The following TENM3 variants were observed in gnomAD, a reference collection of about 807,000 sequenced individuals.
TENM3 encodes teneurin-3.
In TENM3, 63 loss-of-function variants were observed where a neutral mutation model predicts 255.1. That is an observed-to-expected ratio of 0.25 (90% CI 0.20 to 0.30). The LOEUF (loss-of-function observed/expected upper bound fraction) is 0.30, where lower values mean the gene tolerates loss of function less well. Among genes scored for constraint, TENM3 ranks in the 10% least tolerant of loss-of-function variants. TENM3 has a pLI of 1.00. For missense variants in TENM3, 2,929 were observed against 3,461.1 expected (o/e 0.85, Z 3.86); for synonymous variants, 1,306 against 1,322.3 (o/e 0.99, Z 0.27).
the TENM3 span, among the ~76,000 whole-genome samples, chr4:181,576,146 A>T: frequency 2.0e-5 from 3 of 152,074 alleles, no homozygotes; most frequent in African/African-American, 7.2e-5. Context: ...ATCATTCCAC[A>T]TGCTACGGCC....
the TENM3 span, among the ~76,000 whole-genome samples, chr4:181,813,306 G>C: frequency 1.3e-5 from 2 of 152,172 alleles, no homozygotes; most frequent in Admixed American, 6.5e-5. Flanking sequence ...AACACAAACT[G>C]TTCAGGAAAG....
Position 182,621,695 on chromosome 4 carries a change from T to TATATATAATATATAATATGTATTA in TENM3, c.750-6956_750-6955insATATATAATATATAATATGTATTA, listed in dbSNP as rs1750205859. ...ATATATATAAAATATATAATATATATTATATATAAAATATATAATATATAT... is the reference window on the plus strand; with the variant it reads ...ATATATATAAAATATATAATATATATATATATAATATATAATATGTATTATATATATAAAATATATAATATATAT... On this transcript the variant is annotated intron_variant, in intron 4 of 27. Coordinates refer to ENST00000511685, the MANE Select transcript of TENM3 (RefSeq NM_001080477.4). Among the ~76,000 whole-genome samples the TATATATAATATATAATATGTATTA allele has an allele frequency of 3.7e-4, 2 of 5,366 alleles. 1 individual carries two copies. The highest frequency in any genetic ancestry group is 1.1e-3 in the Non-Finnish European group (2 of 1,844). The allele number at this position is 5,366 out of a possible 152,430, so 3.5% of individuals were successfully genotyped here.
chr4:182,284,619 A>C (rs1471573821), intron 1 of TENM3, among the ~76,000 whole-genome samples: 8 of 152,172 alleles, frequency 5.3e-5, no homozygotes, highest in African/African-American at 1.9e-4. Flanking sequence ...CGCTGTTACG[A>C]AGCTGTCAGG....
At chr4:182,463,413 G>A (rs1732244953) in intron 3 of TENM3, among the ~76,000 whole-genome samples, 1 of 151,600 alleles carries the variant, frequency 6.6e-6, no homozygotes, top group Admixed American at 6.6e-5. Context: ...TAGTCAGTGT[G>A]TTGCTTTATT....
the TENM3 span, among the ~76,000 whole-genome samples, chr4:181,448,417 C>A: frequency 6.6e-6 from 1 of 151,634 alleles, no homozygotes; most frequent in Non-Finnish European, 1.5e-5. Flanking sequence ...GTGATCCGCC[C>A]GCCTCGGCCT....
intron 1 of TENM3, among the ~76,000 whole-genome samples, chr4:182,151,116 C>T (rs1413137479): frequency 6.6e-6 from 1 of 152,106 alleles, no homozygotes; most frequent in Non-Finnish European, 1.5e-5. Flanking sequence ...GCGTCTCCAG[C>T]ATCCTCTTGT....
chr4:181,626,740 T>A, the TENM3 span, among the ~76,000 whole-genome samples: 1 of 152,134 alleles, frequency 6.6e-6, no homozygotes, highest in Non-Finnish European at 1.5e-5. Flanking sequence ...CATTTCAACA[T>A]GGGATTTGAA....
rs537759700 is a variant in TENM3, at chr4:182,585,528, TGCCTC to T, written c.512-15390_512-15386del. Among the ~76,000 whole-genome samples the T allele has an allele frequency of 2.7e-3, 412 of 152,306 alleles. 1 individual carries two copies. Among genetic ancestry groups the T allele is most frequent in the African/African-American group, 9.1e-3 (379 of 41,572 alleles). ...TCTCCTGCATTGCTCCCCTGCTGTC[TGCCTC>T]GCCTCAGCAAGAAAACAGCCATCTG... is the stretch of plus-strand genomic sequence containing the variant. On this transcript the variant is annotated intron_variant, in intron 3 of 27. Transcript: ENST00000511685.
chr4:182,095,755 T>G, the TENM3 span, among the ~76,000 whole-genome samples: 16 of 152,088 alleles, frequency 1.1e-4, no homozygotes, highest in African/African-American at 3.6e-4. Context: ...ATATAAATTC[T>G]TGAGGTGAGA....
chr4:182,141,569 C>T (rs1217481570), upstream of TENM3: 2 of 152,178 alleles, frequency 1.3e-5, no homozygotes, highest in African/African-American at 4.8e-5. Context: ...AGAGGAGGAC[C>T]CCTGCGCGCT....
chr4:182,273,276 C>T (rs1009846357), intron 1 of TENM3, among the ~76,000 whole-genome samples: 8 of 152,194 alleles, frequency 5.3e-5, no homozygotes, highest in Non-Finnish European at 8.8e-5. Flanking sequence ...CGTTTGCCTG[C>T]GATTTCACTA....
intron 19 of TENM3, 37 bp downstream of exon 19, chr4:182,743,456 T>C: frequency 6.3e-7 from 1 of 1,599,514 alleles, no homozygotes. Flanking sequence ...TAACCAAAGC[T>C]AAACGTGCCT....
the TENM3 span, among the ~76,000 whole-genome samples, chr4:181,753,952 A>T: frequency 1.4e-3 from 220 of 152,236 alleles, no homozygotes; most frequent in Non-Finnish European, 2.8e-3. Flanking sequence ...AGAATTTGGG[A>T]GCTTAATGAG....
intron 1 of TENM3, among the ~76,000 whole-genome samples, chr4:182,149,093 T>A (rs112121170): frequency 6.6e-6 from 1 of 152,110 alleles, no homozygotes; most frequent in African/African-American, 2.4e-5. Context: ...CTCTTTACTT[T>A]CAGGAAGGAA....
chr4:181,905,217 T>C, the TENM3 span, among the ~76,000 whole-genome samples: 1 of 152,370 alleles, frequency 6.6e-6, no homozygotes, highest in East Asian at 1.9e-4. Flanking sequence ...GTTCCTGGCA[T>C]AATTATATAT....
rs563254118 is a variant in TENM3, at chr4:182,237,078, C to T, written c.-75-86868C>T. On this transcript the variant is annotated intron_variant, in intron 1 of 2. Transcript: ENST00000512480. ...CATGTGTTCTCATTGTTCAGCTCCC[C>T]CTTATAAGTGAGAACAGGCAGTGTT... is the stretch of plus-strand genomic sequence containing the variant. Among the ~76,000 whole-genome samples the T allele has an allele frequency of 1.5e-3, 230 of 152,196 alleles. 1 individual carries two copies. The highest frequency in any genetic ancestry group is 4.9e-3 in the African/African-American group (204 of 41,536).
At chr4:182,516,646 T>A (rs1015181229) in intron 3 of TENM3, among the ~76,000 whole-genome samples, 2 of 152,184 alleles carry the variant, frequency 1.3e-5, no homozygotes, top group Non-Finnish European at 2.9e-5. Flanking sequence ...ATCCCAGCAC[T>A]TTGGGAGGCT....
At chr4:182,324,773 T>C (rs67110926) in intron 2 of TENM3, among the ~76,000 whole-genome samples, 30,532 of 152,180 alleles carry the variant, frequency 0.2, 3,421 homozygotes, top group African/African-American at 0.28. Context: ...ACGGAAAGGT[T>C]CCATTGTCTT....
the TENM3 span, among the ~76,000 whole-genome samples, chr4:181,789,644 C>A: frequency 6.6e-6 from 1 of 152,022 alleles, no homozygotes; most frequent in Non-Finnish European, 1.5e-5. Context: ...AAAGACCAAG[C>A]AGTTATAGGA....
Sources: allele counts gnomAD v4.1 joint callset (sites outside exome capture counted in the v4.1 genomes callset), GRCh38; gene constraint gnomAD v4.1.1; transcripts MANE v1.5; gene names NCBI Gene and HGNC (gene_info 2026-07-23, HGNC 2026-07-21).